The following STARD13 variants were observed in gnomAD, a reference collection of about 807,000 sequenced individuals.
STARD13 encodes the protein StAR related lipid transfer domain containing 13, also known as stAR-related lipid transfer protein 13.
A neutral mutation model predicts 106.4 loss-of-function variants in STARD13; 62 were observed. The ratio of observed to expected loss-of-function variants is 0.58; its 90% CI spans 0.48 to 0.72. The LOEUF is 0.72. Among genes scored for constraint, STARD13 ranks in the 30% least tolerant of loss-of-function variants. STARD13 has a pLI of 0.00. For synonymous variants in STARD13, 565 were observed against 553.0 expected (o/e 1.02, Z -0.31); for missense variants, 1,387 against 1,424.0 (o/e 0.97, Z 0.42).
intron 1 of STARD13, among the ~76,000 whole-genome samples, chr13:33,208,062 C>T (rs1366534515): frequency 2.6e-5 from 4 of 151,688 alleles, no homozygotes; most frequent in South Asian, 2.1e-4. Flanking sequence ...TTGTCAACTG[C>T]GAAGATCTTA....
intron 1 of STARD13, chr13:33,281,201 C>T (rs977716425): frequency 6.6e-6 from 1 of 152,156 alleles, no homozygotes; most frequent in African/African-American, 2.4e-5. Flanking sequence ...AGCTCTGGAA[C>T]TCAACGCTGT....
At chr13:33,317,055 G>A (rs917131340) in intron 1 of STARD13, among the ~76,000 whole-genome samples, 37 of 152,200 alleles carry the variant, frequency 2.4e-4, no homozygotes, top group African/African-American at 8.2e-4. Context: ...TTCTTCCCTT[G>A]CTGACCTCTG....
chr13:33,636,948 T>C, the STARD13 span, among the ~76,000 whole-genome samples: 4 of 152,190 alleles, frequency 2.6e-5, no homozygotes, highest in Non-Finnish European at 5.9e-5. Flanking sequence ...TCAGTGGTGT[T>C]ATCTTTTCTA....
chr13:33,470,011 C>T, the STARD13 span, among the ~76,000 whole-genome samples: 3 of 152,116 alleles, frequency 2.0e-5, no homozygotes, highest in Admixed American at 6.6e-5. Context: ...CCCATCAACC[C>T]ATCATCTACA....
intron 1 of STARD13, among the ~76,000 whole-genome samples, chr13:33,252,449 TG>T (rs1890135529): frequency 6.6e-6 from 1 of 152,220 alleles, no homozygotes. Context: ...TTTCACTCTA[TG>T]GGCCATATTC....
Position 33,262,276 on chromosome 13 carries a change from G to C in STARD13, c.169+23194C>G, listed in dbSNP as rs547217390. On this transcript the variant is annotated intron_variant, in intron 1 of 13. Transcript: ENST00000336934. Reference sequence around the variant, plus strand: ...TGAGACATTCTGCATCAGGTGGCATGAATCAGGTGTCAATGGGAAGCTGGG... The same window carrying C: ...TGAGACATTCTGCATCAGGTGGCATCAATCAGGTGTCAATGGGAAGCTGGG... 2.6e-5 allele frequency among the ~76,000 whole-genome samples: 4 copies of C among 152,312 alleles called. No homozygotes were observed. The South Asian group carries it at 8.3e-4, about 32-fold the overall frequency.
chr13:33,426,090 G>C, the STARD13 span, among the ~76,000 whole-genome samples: 1 of 152,100 alleles, frequency 6.6e-6, no homozygotes, highest in Non-Finnish European at 1.5e-5. Flanking sequence ...TTGTAGTAAA[G>C]CTTCCTTTTC....
At chr13:33,124,382 C>T (rs919189757) in intron 7 of STARD13, among the ~76,000 whole-genome samples, 2 of 152,196 alleles carry the variant, frequency 1.3e-5, no homozygotes, top group South Asian at 2.1e-4. Flanking sequence ...ACGCGAGATG[C>T]GTGGCTCTAT....
At chr13:33,520,642 C>T in the STARD13 span, among the ~76,000 whole-genome samples, 16 of 152,106 alleles carry the variant, frequency 1.1e-4, no homozygotes, top group Non-Finnish European at 1.9e-4. Context: ...GCCTTCCCCA[C>T]AGCTGCTGTC....
intron 1 of STARD13, among the ~76,000 whole-genome samples, chr13:33,263,514 C>G (rs1291133184): frequency 6.6e-6 from 1 of 152,180 alleles, no homozygotes; most frequent in East Asian, 1.9e-4. Context: ...CTTAGAGATT[C>G]TGGATTTTGT....
chr13:33,585,644 A>T, the STARD13 span, among the ~76,000 whole-genome samples: 4 of 152,188 alleles, frequency 2.6e-5, no homozygotes, highest in African/African-American at 9.7e-5. Context: ...CTGTGTGTTG[A>T]GATTGCACCA....
At chr13:33,273,766 G>C (rs1891276019) in intron 1 of STARD13, among the ~76,000 whole-genome samples, 1 of 152,156 alleles carries the variant, frequency 6.6e-6, no homozygotes, top group Non-Finnish European at 1.5e-5. Flanking sequence ...TACATGCATT[G>C]TACAGCACTT....
chr13:33,601,217 T>G, the STARD13 span, among the ~76,000 whole-genome samples: 6 of 151,958 alleles, frequency 3.9e-5, no homozygotes, highest in Non-Finnish European at 8.8e-5. Flanking sequence ...TGTTTTTGTT[T>G]TTTTTTTTTT....
At chr13:33,425,750 T>A in the STARD13 span, among the ~76,000 whole-genome samples, 1 of 152,182 alleles carries the variant, frequency 6.6e-6, no homozygotes, top group African/African-American at 2.4e-5. Flanking sequence ...ACATACTCAA[T>A]TTTCCAGCAA....
At chr13:33,509,150 A>T in the STARD13 span, among the ~76,000 whole-genome samples, 1 of 152,190 alleles carries the variant, frequency 6.6e-6, no homozygotes, top group Admixed American at 6.5e-5. Context: ...CAGGAAAAAG[A>T]TGCCAGAATT....
chr13:33,425,654 C>T, the STARD13 span, among the ~76,000 whole-genome samples: 1 of 152,220 alleles, frequency 6.6e-6, no homozygotes, highest in African/African-American at 2.4e-5. Context: ...TCTACTGCCA[C>T]ATTAGTTATT....
the STARD13 span, among the ~76,000 whole-genome samples, chr13:33,626,520 C>G: frequency 6.6e-6 from 1 of 152,122 alleles, no homozygotes; most frequent in Admixed American, 6.5e-5. Context: ...AAAACCAAAT[C>G]AATAAAAATG....
chr13:33,199,315 T>A (rs1319489428), intron 1 of STARD13, among the ~76,000 whole-genome samples: 1 of 152,220 alleles, frequency 6.6e-6, no homozygotes, highest in Non-Finnish European at 1.5e-5. Flanking sequence ...TGAAAAGACA[T>A]TATATGTCTC....
At chr13:33,510,998 A>AT in the STARD13 span, among the ~76,000 whole-genome samples, 942 of 150,910 alleles carry the variant, frequency 6.2e-3, 7 homozygotes, top group Non-Finnish European at 9.9e-3. Flanking sequence ...TGACACCTAA[A>AT]TTTTTTTTTT....
Sources: gnomAD v4.1 joint callset for allele counts (sites outside exome capture counted in the v4.1 genomes callset) on GRCh38, gnomAD v4.1.1 for gene constraint, MANE v1.5 for transcripts, NCBI Gene and HGNC (gene_info 2026-07-23, HGNC 2026-07-21) for gene names.